The following FMN1 variants were observed in gnomAD, a reference collection of about 807,000 sequenced individuals.
FMN1 encodes formin 1.
Under a neutral mutation model 132.4 loss-of-function variants are expected in FMN1, and 110 were observed. The observed-to-expected ratio is 0.83, with a 90% CI of 0.71 to 0.97. The LOEUF is 0.97. Among genes scored for constraint, FMN1 ranks in the 50% least tolerant of loss-of-function variants. The pLI, the probability that FMN1 is intolerant of heterozygous loss-of-function variation, is 0.00. For synonymous variants in FMN1, 722 were observed against 651.7 expected, an observed-to-expected ratio of 1.11 and a Z score of -1.64; for missense variants, 1,792 against 1,705.3, an observed-to-expected ratio of 1.05 and a Z score of -0.90.
At chr15:33,000,305 T>C (rs1048385634) in intron 7 of FMN1, among the ~76,000 whole-genome samples, 6 of 151,942 alleles carry the variant, frequency 3.9e-5, no homozygotes, top group Middle Eastern at 6.8e-3. Flanking sequence ...AAAAATTAGC[T>C]GGGTGCAGTG....
At chr15:32,883,509 C>CAAAAAAAAAAAAAAAAAAAA (rs60737133) in intron 16 of FMN1, among the ~76,000 whole-genome samples, 2 of 25,910 alleles carry the variant, frequency 7.7e-5, no homozygotes, top group South Asian at 2.8e-3. Context: ...GAACCTATCT[C>CAAAAAAAAAAAAAAAAAAAA]AAAAAAAAAA....
At chr15:33,032,223 G>A (rs2035972006) in intron 6 of FMN1, among the ~76,000 whole-genome samples, 1 of 152,160 alleles carries the variant, frequency 6.6e-6, no homozygotes, top group African/African-American at 2.4e-5. Context: ...GGTTGATTTG[G>A]TAGCTGGCAT....
intron 4 of FMN1, among the ~76,000 whole-genome samples, chr15:33,093,141 T>C (rs2038961067): frequency 6.6e-6 from 1 of 152,188 alleles, no homozygotes; most frequent in Non-Finnish European, 1.5e-5. Context: ...TCTCCCATCA[T>C]ACCAAGCCCT....
At chr15:32,939,603 T>G (rs2061357670) in intron 9 of FMN1, among the ~76,000 whole-genome samples, 1 of 152,196 alleles carries the variant, frequency 6.6e-6, no homozygotes, top group Non-Finnish European at 1.5e-5. Flanking sequence ...TTGGATTATA[T>G]TCATTATTAG....
intron 7 of FMN1, among the ~76,000 whole-genome samples, chr15:32,990,875 T>C (rs922677029): frequency 2.6e-5 from 4 of 152,114 alleles, no homozygotes; most frequent in African/African-American, 9.7e-5. Context: ...GATCTTGTGA[T>C]AACTTACTCA....
At chr15:33,026,730 TCAGTCTCTTAAGAGG>T (rs2141042941) in intron 6 of FMN1, among the ~76,000 whole-genome samples, 1 of 152,174 alleles carries the variant, frequency 6.6e-6, no homozygotes, top group South Asian at 2.1e-4. Context: ...GAGGTGAAGG[TCAGTCTCTTAAGAGG>T]CAGGTGAAAG....
At chr15:33,058,071 G>A (rs1188970255) in intron 6 of FMN1, among the ~76,000 whole-genome samples, 1 of 151,810 alleles carries the variant, frequency 6.6e-6, no homozygotes, top group Non-Finnish European at 1.5e-5. Flanking sequence ...GGGGCTGGTG[G>A]TGGAAAGGTG....
At chr15:32,779,829 ATG>A (rs1294374496) in intron 19 of FMN1, among the ~76,000 whole-genome samples, 1 of 152,180 alleles carries the variant, frequency 6.6e-6, no homozygotes, top group Non-Finnish European at 1.5e-5. Context: ...AATGCTGCTT[ATG>A]TACTGTATTC....
Position 32,767,532 on chromosome 15 carries a change from GAA to G in FMN1, c.*6776_*6777del, listed in dbSNP as rs2056088133. ...TAGTCTAAATGAAAACTCAATGAAAGAAAAAGACTATGATAAACCAATGTTTT... is the reference window on the plus strand; with the variant it reads ...TAGTCTAAATGAAAACTCAATGAAAGAAAGACTATGATAAACCAATGTTTT... On this transcript the variant is annotated 3_prime_UTR_variant, in exon 21 of 21. Coordinates refer to ENST00000616417, the MANE Select transcript of FMN1 (RefSeq NM_001277313.2). 1 of 152,036 alleles carries G rather than the reference GAA, an allele frequency of 6.6e-6. No homozygotes were observed. Among genetic ancestry groups the G allele is most frequent in the Non-Finnish European group, 1.5e-5 (1 of 67,994 alleles). The allele number at this position is 152,036 out of a possible 1,614,324, so 9.4% of individuals were successfully genotyped here. A position where few individuals can be genotyped will look rare whatever the true frequency, so the allele number is the denominator to read the frequency against.
At chr15:32,886,575 G>A (rs373580511) in intron 16 of FMN1, among the ~76,000 whole-genome samples, 5 of 152,232 alleles carry the variant, frequency 3.3e-5, no homozygotes, top group South Asian at 2.1e-4. Flanking sequence ...ATCATCAAAC[G>A]TACAGGGACG....
intron 4 of FMN1, among the ~76,000 whole-genome samples, chr15:33,146,428 T>G (rs1004836267): frequency 3.9e-5 from 6 of 152,192 alleles, no homozygotes; most frequent in Admixed American, 3.3e-4. Context: ...TCCAACATCG[T>G]TCCAGGACCC....
At chr15:32,911,009 C>A (rs942749521) in intron 10 of FMN1, among the ~76,000 whole-genome samples, 70 of 152,222 alleles carry the variant, frequency 4.6e-4, no homozygotes, top group African/African-American at 1.6e-3. Flanking sequence ...TCCGTGGCCA[C>A]TGCCAACATC....
At chr15:33,005,144 C>G (rs150003019) in intron 7 of FMN1, among the ~76,000 whole-genome samples, 6 of 151,600 alleles carry the variant, frequency 4.0e-5, no homozygotes, top group African/African-American at 1.5e-4. Flanking sequence ...ACATATGTAA[C>G]AAACCTGCAC....
At chr15:33,108,132 G>T (rs1279506247) in intron 4 of FMN1, among the ~76,000 whole-genome samples, 5 of 151,868 alleles carry the variant, frequency 3.3e-5, no homozygotes, top group Admixed American at 3.3e-4. Context: ...ATGGTGGTGG[G>T]GTGTGTGTGT....
rs549891287 is a variant in FMN1 at position 32,965,514 on chromosome 15, T to C, written c.2988-1257A>G. Among the ~76,000 whole-genome samples, 183 of 152,366 alleles carry C rather than the reference T, an allele frequency of 1.2e-3. 1 individual carries two copies. The highest frequency in any genetic ancestry group is 2.1e-3 in the Non-Finnish European group (144 of 68,034). On this transcript the variant is annotated intron_variant, in intron 8 of 20. Transcript: ENST00000616417. Reference sequence around the variant, plus strand: ...CATAACATCTAAAAGTATATAGCTTTATTTCCATACCTATTTTCTCAATGA... The same window carrying C: ...CATAACATCTAAAAGTATATAGCTTCATTTCCATACCTATTTTCTCAATGA...
chr15:33,004,674 C>T (rs531694193), intron 7 of FMN1, among the ~76,000 whole-genome samples: 2 of 152,248 alleles, frequency 1.3e-5, no homozygotes, highest in East Asian at 3.9e-4. Context: ...TTGACCCAGC[C>T]ATCCCATTAC....
rs975473504 is a variant in FMN1, at chr15:33,102,220, G to A, written c.1868-13246C>T. Among the ~76,000 whole-genome samples, 5 of 152,170 alleles carry A rather than the reference G, an allele frequency of 3.3e-5. No homozygotes were observed. In the East Asian group the frequency reaches 9.7e-4, roughly 29 times the overall value. On this transcript the variant is annotated intron_variant, in intron 4 of 20. Transcript: ENST00000616417. ...TATATCAGGACCTGTGTCTTTGTAAGTATTACTGAGCAAGTTCCAGAAGCA... is the reference window on the plus strand; with the variant it reads ...TATATCAGGACCTGTGTCTTTGTAAATATTACTGAGCAAGTTCCAGAAGCA...
rs1450133054 is a variant in FMN1 at position 32,770,988 on chromosome 15, TTTTTC to T, written c.*3317_*3321del. 6.6e-6 allele frequency: 1 copy of T among 151,736 alleles called. No individual in the cohort carries two copies. Among genetic ancestry groups the T allele is most frequent in the Non-Finnish European group, 1.5e-5 (1 of 68,020 alleles). 9.4% of individuals were successfully genotyped at this position (151,736 alleles called of 1,614,324 possible). A position where few individuals can be genotyped will look rare whatever the true frequency, so the allele number is the denominator to read the frequency against. On this transcript the variant is annotated 3_prime_UTR_variant, in exon 21 of 21. Transcript: ENST00000616417. ...AACATCCACTTCTGCTTGGCCACAC[TTTTTC>T]TTATTTCTTTTTCCCCAGTAAGCTG...
intron 4 of FMN1, among the ~76,000 whole-genome samples, chr15:33,123,600 T>C (rs1255161077): frequency 6.6e-6 from 1 of 152,056 alleles, no homozygotes; most frequent in Non-Finnish European, 1.5e-5. Context: ...GGTATGGGGG[T>C]ACAGGTTATA....
Sources: gnomAD v4.1 joint callset for allele counts (sites outside exome capture counted in the v4.1 genomes callset) on GRCh38, gnomAD v4.1.1 for gene constraint, MANE v1.5 for transcripts, NCBI Gene and HGNC (gene_info 2026-07-23, HGNC 2026-07-21) for gene names.